Variants in LRRK1 observed in about 807,000 individuals in gnomAD.
LRRK1 encodes leucine rich repeat kinase 1, also known as leucine-rich repeat serine/threonine-protein kinase 1.
Under a neutral mutation model 209.1 loss-of-function variants are expected in LRRK1, and 113 were observed. That is an observed-to-expected ratio of 0.54 (90% CI 0.46 to 0.63). LRRK1 has a LOEUF of 0.63. LRRK1 is among the 30% of genes least tolerant of loss of function. The pLI, the probability that LRRK1 is intolerant of heterozygous loss-of-function variation, is 0.00. For synonymous variants in LRRK1, 1,144 were observed against 1,099.7 expected (o/e 1.04, Z -0.80); for missense variants, 2,284 against 2,632.2 (o/e 0.87, Z 2.89).
intron 11 of LRRK1, among the ~76,000 whole-genome samples, chr15:101,014,760 C>G (rs1360165066): frequency 3.3e-5 from 5 of 152,194 alleles, no homozygotes; most frequent in African/African-American, 7.2e-5. Context: ...AGAGTCCATC[C>G]TAATGACCTC....
Position 100,989,197 on chromosome 15 carries a change from G to T in LRRK1, c.614-53G>T. ...ACATATCAGAGTCTGCCCTTCCAAC[G>T]ACTGTGACACTAGCATCTGCATGCC... On this transcript the variant is annotated intron_variant, in intron 5 of 33. Coordinates refer to ENST00000388948, the MANE Select transcript of LRRK1 (RefSeq NM_024652.6). The T allele has an allele frequency of 2.0e-6, 3 of 1,525,704 alleles. No individual in the cohort carries two copies. The South Asian group carries it at 3.5e-5, about 18-fold the overall frequency. 94.5% of individuals were successfully genotyped at this position (1,525,704 alleles called of 1,614,324 possible).
intron 6 of LRRK1, 127 bp downstream of exon 6, chr15:100,989,525 C>A: frequency 1.0e-6 from 1 of 982,926 alleles, no homozygotes; most frequent in Non-Finnish European, 1.5e-6. Context: ...ATTGAGAAGT[C>A]CAAGAGCATA....
chr15:100,975,908 T>G (rs1222892699), intron 3 of LRRK1, among the ~76,000 whole-genome samples: 1 of 152,136 alleles, frequency 6.6e-6, no homozygotes, highest in South Asian at 2.1e-4. Context: ...CAAAAATTGG[T>G]TCTTTGAAGA....
chr15:100,988,016 T>C (rs11635019), intron 4 of LRRK1, among the ~76,000 whole-genome samples: 29,241 of 152,114 alleles, frequency 0.19, 3,279 homozygotes, highest in African/African-American at 0.32. Flanking sequence ...CGGCATTATC[T>C]GACAAGCAGG....
intron 27 of LRRK1, 77 bp downstream of exon 27, chr15:101,055,300 C>T (rs1422345680): frequency 1.5e-6 from 2 of 1,367,152 alleles, no homozygotes; most frequent in East Asian, 2.7e-5. Flanking sequence ...GTCCTGGAGG[C>T]ACCTGAAGCT....
chr15:100,995,476 A>C (rs1345653533), intron 6 of LRRK1, among the ~76,000 whole-genome samples: 3 of 152,220 alleles, frequency 2.0e-5, no homozygotes, highest in Non-Finnish European at 4.4e-5. Context: ...CTAAGAAACA[A>C]AAGTGAAGTA....
chr15:100,932,721 T>C (rs1476884984), intron 2 of LRRK1, among the ~76,000 whole-genome samples: 3 of 152,228 alleles, frequency 2.0e-5, no homozygotes, highest in African/African-American at 7.2e-5. Flanking sequence ...CTTCAGGTAA[T>C]TATCATTTCT....
At chr15:101,057,311 C>G (rs1284147701) in intron 28 of LRRK1, among the ~76,000 whole-genome samples, 1 of 152,188 alleles carries the variant, frequency 6.6e-6, no homozygotes, top group East Asian at 1.9e-4. Context: ...GTATATAAAC[C>G]CCTTTATAAC....
chr15:100,988,136 T>G (rs1170038022), intron 4 of LRRK1, among the ~76,000 whole-genome samples: 2 of 152,220 alleles, frequency 1.3e-5, no homozygotes, highest in Non-Finnish European at 2.9e-5. Flanking sequence ...AGCTGGGTTT[T>G]GTTTTGTTTT....
At chr15:101,046,738 A>C (rs979495740) in intron 21 of LRRK1, among the ~76,000 whole-genome samples, 1 of 152,250 alleles carries the variant, frequency 6.6e-6, no homozygotes, top group African/African-American at 2.4e-5. Flanking sequence ...TCCCCTGTGC[A>C]GTCCAGTTTG....
chr15:101,010,256 TTATC>T (rs2033167303), intron 7 of LRRK1, among the ~76,000 whole-genome samples, 190 bp from the exon 8 acceptor site: 1 of 151,272 alleles, frequency 6.6e-6, no homozygotes, highest in Non-Finnish European at 1.5e-5. Context: ...AGGTTTGTCT[TTATC>T]TACACAGGAC....
chr15:101,009,666 C>A (rs2033141844), intron 7 of LRRK1, among the ~76,000 whole-genome samples: 3 of 152,156 alleles, frequency 2.0e-5, no homozygotes, highest in Admixed American at 2.0e-4. Flanking sequence ...CGGCTCATGG[C>A]AACCTGCAAC....
rs568631119 is a variant in LRRK1, at chr15:101,075,558, C to A, written c.*6710C>A. On this transcript the variant is annotated 3_prime_UTR_variant, in exon 34 of 34. Coordinates refer to ENST00000388948, the MANE Select transcript of LRRK1 (RefSeq NM_024652.6). The stretch of plus-strand genomic sequence containing the variant: ...CATCCCACAGCATGCTTTGAAAAGA[C>A]TAAAGCCTGTTATCACTCTCCTGCT... The A allele has an allele frequency of 7.4e-6, 1 of 134,838 alleles. No individual in the cohort carries two copies. The highest frequency in any genetic ancestry group is 3.6e-5 in the African/African-American group (1 of 28,118). 8.4% of individuals were successfully genotyped at this position (134,838 alleles called of 1,614,324 possible).
intron 32 of LRRK1, among the ~76,000 whole-genome samples, 178 bp downstream of exon 32, chr15:101,066,383 G>T (rs2036532607): frequency 6.6e-6 from 1 of 152,224 alleles, no homozygotes. Context: ...GCAAATCTAA[G>T]AGTGGCCGCA....
chr15:101,026,413 A>G (rs763730440), intron 17 of LRRK1, among the ~76,000 whole-genome samples: 10 of 152,254 alleles, frequency 6.6e-5, no homozygotes, highest in African/African-American at 4.8e-5. Flanking sequence ...CTATTGAACC[A>G]GGAGACTGAA....
intron 1 of LRRK1, among the ~76,000 whole-genome samples, chr15:100,921,232 T>C (rs1418902953): frequency 6.6e-6 from 1 of 152,180 alleles, no homozygotes; most frequent in Non-Finnish European, 1.5e-5. Context: ...AGTGACTGGA[T>C]GGGGAATGGA....
At chr15:100,960,765 T>C (rs1273886696) in intron 2 of LRRK1, among the ~76,000 whole-genome samples, 1 of 152,206 alleles carries the variant, frequency 6.6e-6, no homozygotes, top group Admixed American at 6.5e-5. Flanking sequence ...GAATGAGCAA[T>C]AAATAAATGA....
At position 100,963,778 on chromosome 15, in the gene LRRK1, C is replaced by T. The variant is rs778387041; in HGVS notation, c.98-10026C>T. Among the ~76,000 whole-genome samples, 39 of 152,214 alleles carry T rather than the reference C, an allele frequency of 2.6e-4. 1 individual carries two copies. Among genetic ancestry groups the T allele is most frequent in the Non-Finnish European group, 2.1e-4 (14 of 68,040 alleles). On this transcript the variant is annotated intron_variant, in intron 2 of 33. Coordinates refer to ENST00000388948, the MANE Select transcript of LRRK1 (RefSeq NM_024652.6). ...GAAATGACCATCCGGTTGGCAAGGCCTCCCACGATGGCCAATGGACCAGAG... is the reference window on the plus strand; with the variant it reads ...GAAATGACCATCCGGTTGGCAAGGCTTCCCACGATGGCCAATGGACCAGAG...
intron 21 of LRRK1, among the ~76,000 whole-genome samples, chr15:101,046,693 A>C (rs1164384432): frequency 6.6e-6 from 1 of 152,044 alleles, no homozygotes; most frequent in Non-Finnish European, 1.5e-5. Context: ...TGAAAAAGTG[A>C]TTCCTCTTTG....
Sources: allele counts gnomAD v4.1 joint callset (sites outside exome capture counted in the v4.1 genomes callset), GRCh38; gene constraint gnomAD v4.1.1; transcripts MANE v1.5; gene names NCBI Gene and HGNC (gene_info 2026-07-23, HGNC 2026-07-21).